PCBP3: variants seen among roughly 807,000 people sequenced by gnomAD.
PCBP3 encodes the protein poly(rC)-binding protein 3.
PCBP3 carries 25 observed loss-of-function variants against 52.7 expected under a neutral mutation model. The ratio of observed to expected loss-of-function variants is 0.47; its 90% CI spans 0.35 to 0.66. The LOEUF is 0.66. Ranked by LOEUF, PCBP3 falls within the 30% of genes least tolerant of loss-of-function variation. PCBP3 has a pLI of 0.01. For missense variants in PCBP3, 391 were observed against 490.3 expected, an observed-to-expected ratio of 0.80 and a Z score of 1.91; for synonymous variants, 162 against 183.0, an observed-to-expected ratio of 0.89 and a Z score of 0.93.
At chr21:45,885,621 T>C (rs1245940998) in intron 5 of PCBP3, among the ~76,000 whole-genome samples, 1 of 152,114 alleles carries the variant, frequency 6.6e-6, no homozygotes, top group Non-Finnish European at 1.5e-5. Context: ...CTTTCTGTTG[T>C]TTTTTCTCAC....
At chr21:45,784,068 G>T (rs1297205724) in intron 4 of PCBP3, among the ~76,000 whole-genome samples, 2 of 152,214 alleles carry the variant, frequency 1.3e-5, no homozygotes, top group Non-Finnish European at 2.9e-5. Flanking sequence ...GTAAGCAGTG[G>T]TGTGAAAGAG....
At chr21:45,725,816 C>T (rs1342977643) in intron 2 of PCBP3, among the ~76,000 whole-genome samples, 1 of 148,154 alleles carries the variant, frequency 6.7e-6, no homozygotes, top group Non-Finnish European at 1.5e-5. Context: ...GGGAGCCAGG[C>T]ATGTGTCTAG....
intron 2 of PCBP3, among the ~76,000 whole-genome samples, chr21:45,726,794 T>C (rs928511877): frequency 6.6e-6 from 1 of 152,246 alleles, no homozygotes; most frequent in African/African-American, 2.4e-5. Flanking sequence ...AGATCGTCTT[T>C]TCATGTGCTT....
At chr21:45,756,530 G>A (rs745473075) in intron 4 of PCBP3, among the ~76,000 whole-genome samples, 2 of 152,140 alleles carry the variant, frequency 1.3e-5, no homozygotes, top group African/African-American at 2.4e-5. Flanking sequence ...GGGAGAATAT[G>A]CATGTTTTTA....
intron 5 of PCBP3, among the ~76,000 whole-genome samples, chr21:45,875,896 G>A (rs945431185): frequency 2.0e-5 from 3 of 152,186 alleles, no homozygotes; most frequent in Non-Finnish European, 4.4e-5. Flanking sequence ...ATCCCCCACT[G>A]CTCCAGCCCA....
intron 5 of PCBP3, among the ~76,000 whole-genome samples, chr21:45,890,383 C>T (rs771118129): frequency 7.2e-5 from 11 of 152,142 alleles, no homozygotes; most frequent in African/African-American, 1.4e-4. Flanking sequence ...TGAAACCCTG[C>T]GCTGCTGAGG....
In PCBP3 at chr21:45,643,748, C is replaced by A. The variant is rs1005275444; in HGVS notation, c.-399C>A. 6.7e-6 allele frequency: 1 copy of A among 148,540 alleles called. No individual in the cohort carries two copies. Among genetic ancestry groups the A allele is most frequent in the South Asian group, 2.1e-4 (1 of 4,860 alleles). 9.2% of individuals were successfully genotyped at this position (148,540 alleles called of 1,614,324 possible). ...CCGCCTCAGCCGCCTCAGCCGCGGT[C>A]GCCGCCGCTTCGGCTGACTTAGGCT... On this transcript the variant is annotated 5_prime_UTR_variant, in exon 1 of 18. Coordinates refer to ENST00000681687, the MANE Select transcript of PCBP3 (RefSeq NM_001384156.1).
At chr21:45,838,408 T>C (rs2093634705) in intron 4 of PCBP3, among the ~76,000 whole-genome samples, 1 of 152,136 alleles carries the variant, frequency 6.6e-6, no homozygotes, top group African/African-American at 2.4e-5. Flanking sequence ...CTAATAATAA[T>C]AATAATAATA....
chr21:45,666,711 C>T lies in PCBP3; in HGVS notation c.-278-2163C>T, dbSNP rs368638602. The stretch of plus-strand genomic sequence containing the variant: ...TTTCTGTGGTTTCTGGTGAGAAATC[C>T]GCTATTGTTCTTATTGAGAATTTTT... On this transcript the variant is annotated intron_variant, in intron 1 of 17. Transcript: ENST00000681687. 1.4e-3 allele frequency among the ~76,000 whole-genome samples: 211 copies of T among 151,520 alleles called. 1 individual carries two copies. The highest frequency in any genetic ancestry group is 3.6e-3 in the South Asian group (17 of 4,788).
intron 4 of PCBP3, among the ~76,000 whole-genome samples, chr21:45,823,129 G>A (rs542390678): frequency 4.6e-5 from 7 of 152,332 alleles, no homozygotes; most frequent in African/African-American, 4.8e-5. Flanking sequence ...CGTAGTGGGT[G>A]AGATTAGAAT....
Position 45,835,658 on chromosome 21 carries a change from G to A in PCBP3, c.-125-14303G>A, listed in dbSNP as rs570814570. 6.6e-5 allele frequency among the ~76,000 whole-genome samples: 10 copies of A among 152,314 alleles called. No homozygotes were observed. In the East Asian group the frequency reaches 7.7e-4, roughly 12 times the overall value. On this transcript the variant is annotated intron_variant, in intron 4 of 17. Transcript: ENST00000681687. ...TGCGTGAGGAAGACAGAGCCTGGGC[G>A]TGGCCCCACATCCCTGTGAGCTGCC...
Position 45,941,849 on chromosome 21 carries a change from G to A in PCBP3, c.*143G>A. The A allele has an allele frequency of 1.7e-6, 1 of 590,676 alleles. No individual in the cohort carries two copies. The highest frequency in any genetic ancestry group is 2.8e-6 in the Non-Finnish European group (1 of 351,596). The allele number at this position is 590,676 out of a possible 1,614,324, so 36.6% of individuals were successfully genotyped here. A position where few individuals can be genotyped will look rare whatever the true frequency, so the allele number is the denominator to read the frequency against. The stretch of plus-strand genomic sequence containing the variant: ...AATTAACAAAAGGACGTATGCCATG[G>A]AGAAACACACCCGCGCACACAGCTG... On this transcript the variant is annotated 3_prime_UTR_variant, in exon 18 of 18. Coordinates refer to ENST00000681687, the MANE Select transcript of PCBP3 (RefSeq NM_001384156.1).
intron 4 of PCBP3, among the ~76,000 whole-genome samples, chr21:45,784,030 A>C (rs1186096030): frequency 1.3e-5 from 2 of 152,224 alleles, no homozygotes; most frequent in African/African-American, 4.8e-5. Flanking sequence ...CAGTTTGTCA[A>C]AGGTTAAAAC....
intron 2 of PCBP3, among the ~76,000 whole-genome samples, chr21:45,695,283 A>G (rs1313773485): frequency 1.3e-5 from 2 of 152,162 alleles, no homozygotes; most frequent in African/African-American, 4.8e-5. Flanking sequence ...TTGTCAGCAG[A>G]GGGTGCTGGA....
At chr21:45,836,564 A>G (rs899158082) in intron 4 of PCBP3, 1 of 151,236 alleles carries the variant, frequency 6.6e-6, no homozygotes, top group African/African-American at 2.4e-5. Context: ...ATTCGTTAAA[A>G]TGTTGTGACA....
intron 2 of PCBP3, among the ~76,000 whole-genome samples, chr21:45,730,771 A>G (rs2085395791): frequency 6.6e-6 from 1 of 152,168 alleles, no homozygotes. Flanking sequence ...TAATTATTAT[A>G]TAATGTCCTT....
intron 2 of PCBP3, among the ~76,000 whole-genome samples, chr21:45,712,378 A>T (rs1173665696): frequency 6.6e-6 from 1 of 152,188 alleles, no homozygotes; most frequent in East Asian, 1.9e-4. Flanking sequence ...CGTGAATGAG[A>T]TTTCTTGCTG....
chr21:45,934,843 A>C (rs1212383606), intron 15 of PCBP3, among the ~76,000 whole-genome samples: 1 of 152,180 alleles, frequency 6.6e-6, no homozygotes, highest in Non-Finnish European at 1.5e-5. Flanking sequence ...ACTCAGCATC[A>C]GTGTGACCAG....
intron 2 of PCBP3, among the ~76,000 whole-genome samples, chr21:45,671,679 A>G (rs1296310758): frequency 1.3e-5 from 2 of 152,180 alleles, no homozygotes; most frequent in Non-Finnish European, 2.9e-5. Context: ...GGAGGGTTCA[A>G]GAAAGTGGGA....
Sources: allele counts gnomAD v4.1 joint callset (sites outside exome capture counted in the v4.1 genomes callset), GRCh38; gene constraint gnomAD v4.1.1; transcripts MANE v1.5; gene names NCBI Gene and HGNC (gene_info 2026-07-23, HGNC 2026-07-21).